The following TESPA1 variants were observed in gnomAD, a reference collection of about 807,000 sequenced individuals.
TESPA1 encodes the protein thymocyte expressed, positive selection associated 1.
Under a neutral mutation model 57.9 loss-of-function variants are expected in TESPA1, and 33 were observed. That is an observed-to-expected ratio of 0.57 (90% CI 0.43 to 0.76). The LOEUF is 0.76. Ranked by LOEUF, TESPA1 falls within the 30% of genes least tolerant of loss-of-function variation. TESPA1 has a pLI of 0.00. For synonymous variants in TESPA1, 227 were observed against 228.9 expected (o/e 0.99, Z 0.07); for missense variants, 618 against 632.9 (o/e 0.98, Z 0.25).
intron 10 of TESPA1, among the ~76,000 whole-genome samples, chr12:54,956,852 G>T (rs1466995211): frequency 6.6e-6 from 1 of 152,176 alleles, no homozygotes; most frequent in African/African-American, 2.4e-5. Context: ...GGAAGACAGC[G>T]TGAGAGGGCA....
At chr12:54,956,601 G>C (rs562485440) in intron 10 of TESPA1, among the ~76,000 whole-genome samples, 1 of 152,198 alleles carries the variant, frequency 6.6e-6, no homozygotes, top group African/African-American at 2.4e-5. Context: ...TCCCAGCAGA[G>C]ACTAAATGAG....
chr12:54,974,442 G>A lies in TESPA1; in HGVS notation c.121C>T (p.Pro41Ser). 7 of 1,610,402 alleles carry A rather than the reference G, an allele frequency of 4.3e-6. No individual in the cohort carries two copies. The highest frequency in any genetic ancestry group is 5.9e-6 in the Non-Finnish European group (7 of 1,178,414). The change falls in exon 2 of 11, where the codon CCA (proline) becomes TCA (serine). Residue 41 changes from proline to serine, a missense_variant. Transcript: ENST00000449076. ...TCCAGGCTGGAAGGCTCAGGATCTGGGACATCCTGCAGGGCGGCGGCAGCC... is the reference window on the plus strand; with the variant it reads ...TCCAGGCTGGAAGGCTCAGGATCTGAGACATCCTGCAGGGCGGCGGCAGCC... ...EEAAAALQDV[P>S]DPEPSSLDDV...
At chr12:54,974,340 G>T in intron 2 of TESPA1, 60 bp downstream of exon 2, 1 of 1,473,430 alleles carries the variant, frequency 6.8e-7, no homozygotes, top group African/African-American at 1.4e-5. Flanking sequence ...GCAGACCTGG[G>T]CCTGCTGTCA....
chr12:54,970,792 A>G (rs1478024374), intron 3 of TESPA1, among the ~76,000 whole-genome samples: 4 of 152,218 alleles, frequency 2.6e-5, no homozygotes, highest in Admixed American at 1.3e-4. Flanking sequence ...GTTCATAAAC[A>G]AATAGTAGGG....
chr12:54,952,141 A>G (rs1950439882), intron 10 of TESPA1, among the ~76,000 whole-genome samples: 1 of 152,190 alleles, frequency 6.6e-6, no homozygotes, highest in Non-Finnish European at 1.5e-5. Flanking sequence ...ATATAAGAAG[A>G]GGAAGGGAGA....
intron 8 of TESPA1, 90 bp from the exon 9 acceptor site, chr12:54,963,332 A>C: frequency 7.9e-7 from 1 of 1,268,592 alleles, no homozygotes; most frequent in Non-Finnish European, 1.1e-6. Context: ...AAAGCTCAAA[A>C]TTCAGGGAGA....
rs906172450 is a variant in TESPA1 at position 54,961,078 on chromosome 12, C to T, written c.*1+90G>A. On this transcript the variant is annotated intron_variant, in intron 10 of 10. Coordinates refer to ENST00000449076, the MANE Select transcript of TESPA1 (RefSeq NM_001136030.3). ...AATCAGAATTACAGAATGTGGGACC[C>T]TTTATTATGGGTTTAAAAAAAAAAA... 31 of 1,443,546 alleles carry T rather than the reference C, an allele frequency of 2.1e-5. 1 individual carries two copies. The South Asian group carries it at 3.0e-4, about 14-fold the overall frequency. 89.4% of individuals were successfully genotyped at this position (1,443,546 alleles called of 1,614,324 possible). A position where few individuals can be genotyped will look rare whatever the true frequency, so the allele number is the denominator to read the frequency against.
chr12:54,976,865 T>C (rs1234056782), intron 1 of TESPA1, among the ~76,000 whole-genome samples: 1 of 152,208 alleles, frequency 6.6e-6, no homozygotes, highest in African/African-American at 2.4e-5. Context: ...TAATATAGGC[T>C]AATTTCCTCT....
At chr12:54,957,485 A>G (rs1950805570) in intron 10 of TESPA1, among the ~76,000 whole-genome samples, 1 of 152,154 alleles carries the variant, frequency 6.6e-6, no homozygotes, top group South Asian at 2.1e-4. Context: ...TATTTATCAC[A>G]CAGGCTTTAA....
At chr12:54,963,446 C>A (rs1433800944) in intron 8 of TESPA1, among the ~76,000 whole-genome samples, 2 of 152,020 alleles carry the variant, frequency 1.3e-5, no homozygotes, top group African/African-American at 2.4e-5. Flanking sequence ...GATATTCCAA[C>A]TGGGAAACAA....
In TESPA1 at chr12:54,949,176, AAC is replaced by A. The variant is rs1565806487; in HGVS notation, c.*1214_*1215del. 1 of 152,156 alleles carries A rather than the reference AAC, an allele frequency of 6.6e-6. No homozygotes were observed. Among genetic ancestry groups the A allele is most frequent in the Admixed American group, 6.5e-5 (1 of 15,270 alleles). The allele number at this position is 152,156 out of a possible 1,614,324, so 9.4% of individuals were successfully genotyped here. On this transcript the variant is annotated 3_prime_UTR_variant, in exon 11 of 11. Coordinates refer to ENST00000449076, the MANE Select transcript of TESPA1 (RefSeq NM_001136030.3). Reference sequence around the variant, plus strand: ...GTTCTTTTGGTATGGGGAATTAGTAAACACAGATGGTTTAAAAATTTTTCCAC... The same window carrying A: ...GTTCTTTTGGTATGGGGAATTAGTAAACAGATGGTTTAAAAATTTTTCCAC...
At chr12:54,953,590 T>G (rs933480758) in intron 10 of TESPA1, among the ~76,000 whole-genome samples, 43 of 148,294 alleles carry the variant, frequency 2.9e-4, no homozygotes, top group African/African-American at 1.1e-3. Flanking sequence ...CGATCACAGC[T>G]CACTGCAAGC....
chr12:54,979,506 C>T (rs1952240631), intron 1 of TESPA1, among the ~76,000 whole-genome samples: 1 of 152,194 alleles, frequency 6.6e-6, no homozygotes, highest in Non-Finnish European at 1.5e-5. Context: ...CTACATTTCT[C>T]TAGACGTTCA....
intron 2 of TESPA1, chr12:54,973,724 C>T: frequency 1.5e-6 from 2 of 1,332,210 alleles, no homozygotes; most frequent in African/African-American, 3.0e-5. Flanking sequence ...CTTCTTTTCT[C>T]CCTTCCTCCC....
chr12:54,956,752 A>T (rs1011545114), intron 10 of TESPA1, among the ~76,000 whole-genome samples: 1 of 152,222 alleles, frequency 6.6e-6, no homozygotes, highest in South Asian at 2.1e-4. Context: ...TTTATTTCTT[A>T]CAATTCTGGA....
chr12:54,950,059 T>G lies in TESPA1; in HGVS notation c.*333A>C. The G allele has an allele frequency of 4.8e-6, 1 of 206,454 alleles. No homozygotes were observed. Among genetic ancestry groups the G allele is most frequent in the Non-Finnish European group, 9.9e-6 (1 of 100,690 alleles). The allele number at this position is 206,454 out of a possible 1,614,324, so 12.8% of individuals were successfully genotyped here. ...GGCAATGTCAAAGCTTGGGAGAAAATTAAGGCTTTGTTCAGTTTACTATCA... is the reference window on the plus strand; with the variant it reads ...GGCAATGTCAAAGCTTGGGAGAAAAGTAAGGCTTTGTTCAGTTTACTATCA... On this transcript the variant is annotated 3_prime_UTR_variant, in exon 11 of 11. Coordinates refer to ENST00000449076, the MANE Select transcript of TESPA1 (RefSeq NM_001136030.3).
intron 1 of TESPA1, chr12:54,983,932 G>A (rs909647803): frequency 1.3e-5 from 2 of 152,218 alleles, no homozygotes; most frequent in African/African-American, 4.8e-5. Context: ...TGTGAACCCT[G>A]AAATCTGGTC....
chr12:54,967,178 C>A lies in TESPA1; in HGVS notation c.310+5G>T. 6.2e-7 allele frequency: 1 copy of A among 1,613,154 alleles called. No homozygotes were observed. Among genetic ancestry groups the A allele is most frequent in the Non-Finnish European group, 8.5e-7 (1 of 1,179,702 alleles). On this transcript the variant is annotated splice_donor_5th_base_variant and intron_variant, in intron 5 of 10. Transcript: ENST00000449076. ...ATCCCAACCTCAGAGAACTGTGCCACTTACCCTCCGCTCCCAGGGTCAAGT... is the reference window on the plus strand; with the variant it reads ...ATCCCAACCTCAGAGAACTGTGCCAATTACCCTCCGCTCCCAGGGTCAAGT...
Position 54,974,341 on chromosome 12 carries a change from C to T in TESPA1, c.163+59G>A, listed in dbSNP as rs35981884. On this transcript the variant is annotated intron_variant, in intron 2 of 10. Transcript: ENST00000449076. ...CCTGTTCACACTCTGCAGACCTGGG[C>T]CTGCTGTCACCTTTTGCCGCCAGAC... 4.9e-3 allele frequency: 7,128 copies of T among 1,469,222 alleles called. 34 individuals are homozygous for T. Among genetic ancestry groups the T allele is most frequent in the Non-Finnish European group, 5.0e-3 (5,487 of 1,095,358 alleles). The allele number at this position is 1,469,222 out of a possible 1,614,324, so 91.0% of individuals were successfully genotyped here. A position where few individuals can be genotyped will look rare whatever the true frequency, so the allele number is the denominator to read the frequency against.
Sources: allele counts gnomAD v4.1 joint callset (sites outside exome capture counted in the v4.1 genomes callset), GRCh38; gene constraint gnomAD v4.1.1; transcripts MANE v1.5; gene names NCBI Gene and HGNC (gene_info 2026-07-23, HGNC 2026-07-21).